Variants in DOCK2 observed in about 807,000 individuals in gnomAD.
The protein encoded by DOCK2 is dedicator of cytokinesis protein 2.
Under a neutral mutation model 248.9 loss-of-function variants are expected in DOCK2, and 87 were observed. The observed-to-expected ratio is 0.35, with a 90% CI of 0.29 to 0.42. The LOEUF is 0.42. DOCK2 is among the 10% of genes least tolerant of loss of function. DOCK2 has a pLI of 1.00. For synonymous variants in DOCK2, 805 were observed against 821.6 expected (o/e 0.98, Z 0.35); for missense variants, 1,747 against 2,300.2 (o/e 0.76, Z 4.92).
chr5:169,891,454 G>A (rs188054644), intron 27 of DOCK2, among the ~76,000 whole-genome samples: 7 of 152,304 alleles, frequency 4.6e-5, no homozygotes, highest in Admixed American at 3.9e-4. Flanking sequence ...ATCTTGGGTA[G>A]AATCTTATTT....
At chr5:169,836,429 G>A (rs1581261830) in intron 26 of DOCK2, among the ~76,000 whole-genome samples, 1 of 145,836 alleles carries the variant, frequency 6.9e-6, no homozygotes, top group Admixed American at 7.0e-5. Flanking sequence ...TTTTCTGCAA[G>A]TTAACTACTA....
intron 26 of DOCK2, among the ~76,000 whole-genome samples, chr5:169,825,564 G>A (rs192207647): frequency 7.0e-6 from 1 of 142,828 alleles, no homozygotes; most frequent in Non-Finnish European, 1.5e-5. Flanking sequence ...GGTGGGAATT[G>A]AACAATGAGA....
chr5:170,045,958 C>T, intron 39 of DOCK2, 53 bp downstream of exon 39: 3 of 1,544,868 alleles, frequency 1.9e-6, no homozygotes, highest in Non-Finnish European at 2.7e-6. Flanking sequence ...TGCTCAGGGC[C>T]TCAGCTCACC....
intron 27 of DOCK2, among the ~76,000 whole-genome samples, chr5:169,874,774 G>T (rs1448948279): frequency 6.6e-6 from 1 of 152,154 alleles, no homozygotes; most frequent in Non-Finnish European, 1.5e-5. Context: ...AGGCCTGAGG[G>T]ACTGAGAGAG....
intron 27 of DOCK2, among the ~76,000 whole-genome samples, chr5:169,854,958 A>G (rs1195816284): frequency 6.6e-6 from 1 of 152,202 alleles, no homozygotes; most frequent in East Asian, 1.9e-4. Flanking sequence ...GGATGACCAG[A>G]AAAAGTTATA....
chr5:169,877,056 G>C (rs1278693695), intron 27 of DOCK2, among the ~76,000 whole-genome samples: 1 of 152,200 alleles, frequency 6.6e-6, no homozygotes, highest in Admixed American at 6.5e-5. Flanking sequence ...GGAAGGATTG[G>C]ATTGTGAGGT....
At chr5:169,941,351 G>C (rs1776237901) in intron 27 of DOCK2, among the ~76,000 whole-genome samples, 1 of 152,150 alleles carries the variant, frequency 6.6e-6, no homozygotes, top group Non-Finnish European at 1.5e-5. Context: ...GGGATTACAG[G>C]CCTGTGCCCC....
intron 22 of DOCK2, among the ~76,000 whole-genome samples, chr5:169,720,161 G>A (rs1433451639): frequency 6.6e-6 from 1 of 152,204 alleles, no homozygotes. Flanking sequence ...TTGTCATTTA[G>A]TCAAGTCTGA....
chr5:169,853,574 C>G (rs983558410), intron 27 of DOCK2, among the ~76,000 whole-genome samples: 1 of 152,062 alleles, frequency 6.6e-6, no homozygotes, highest in Non-Finnish European at 1.5e-5. Flanking sequence ...AGGAATGAAG[C>G]AGCAACGACA....
At position 169,882,410 on chromosome 5, in the gene DOCK2, T is replaced by A. The variant is rs905407858; in HGVS notation, c.2799+41558T>A. On this transcript the variant is annotated intron_variant, in intron 27 of 51. Coordinates refer to ENST00000520908, the MANE Select transcript of DOCK2 (RefSeq NM_004946.3). ...GAAATTCCATTAGAGAAAAGGGAGG[T>A]CTGTGGTTATGATTTGGAGAAACAA... The A allele has an allele frequency of 9.2e-6, 6 of 653,672 alleles. No individual in the cohort carries two copies. The Admixed American group carries it at 1.8e-4, about 19-fold the overall frequency. 40.5% of individuals were successfully genotyped at this position (653,672 alleles called of 1,614,324 possible).
At chr5:169,668,634 A>C (rs1758862507) in intron 2 of DOCK2, among the ~76,000 whole-genome samples, 1 of 152,210 alleles carries the variant, frequency 6.6e-6, no homozygotes, top group Admixed American at 6.5e-5. Flanking sequence ...TGCTGCACTC[A>C]GGCGTATTTT....
rs187055794 is a variant in DOCK2 at position 169,751,040 on chromosome 5, G to T, written c.2376+3536G>T. 1.8e-4 allele frequency among the ~76,000 whole-genome samples: 27 copies of T among 152,318 alleles called. No homozygotes were observed. In the East Asian group the frequency reaches 4.2e-3, roughly 24 times the overall value. On this transcript the variant is annotated intron_variant, in intron 23 of 51. Transcript: ENST00000520908. ...CAGTTTATCCTCTGTAACATGGAAG[G>T]CCAAATGTGTAATTTAGGGGATTAT... is the stretch of plus-strand genomic sequence containing the variant.
In DOCK2 at chr5:170,008,709, A is replaced by C. The variant is rs2287727; in HGVS notation, c.3195A>C (p.Leu1065=). The change falls in exon 32 of 52, where the codon CTA becomes CTC. Residue 1065 remains leucine, a synonymous_variant. Transcript: ENST00000520908. ...ILNKYGDMRR[L]IGFSIRDMWY... is the part of the protein sequence containing the mutation. ...CTAGGTATGGGGACATGAGACGGCT[A>C]ATTGGCTTCTCCATCCGTGATATGT... 0.29 allele frequency: 464,239 copies of C among 1,613,724 alleles called. 69,781 individuals are homozygous for C. Among genetic ancestry groups the C allele is most frequent in the East Asian group, 0.37 (16,378 of 44,842 alleles).
intron 44 of DOCK2, among the ~76,000 whole-genome samples, chr5:170,063,490 T>C (rs994922350): frequency 6.6e-6 from 1 of 152,136 alleles, no homozygotes; most frequent in African/African-American, 2.4e-5. Context: ...GGCACACACT[T>C]CCAGTGGCTA....
intron 27 of DOCK2, among the ~76,000 whole-genome samples, chr5:169,899,075 C>T (rs1773777145): frequency 6.6e-6 from 1 of 152,078 alleles, no homozygotes; most frequent in South Asian, 2.1e-4. Flanking sequence ...TGCAAGATGG[C>T]AAGTAAAAGG....
At chr5:169,846,140 T>C (rs1247798394) in intron 27 of DOCK2, among the ~76,000 whole-genome samples, 2 of 152,220 alleles carry the variant, frequency 1.3e-5, no homozygotes, top group Admixed American at 6.5e-5. Flanking sequence ...TCAATATTTG[T>C]GGTAAACACC....
At chr5:169,935,880 A>G (rs1775970172) in intron 27 of DOCK2, among the ~76,000 whole-genome samples, 1 of 152,228 alleles carries the variant, frequency 6.6e-6, no homozygotes, top group African/African-American at 2.4e-5. Context: ...CATTTACTCC[A>G]CAGAGCAGGA....
At position 169,800,944 on chromosome 5, in the gene DOCK2, C is replaced by CTTTCTTT. The variant is rs1248380098; in HGVS notation, c.2555-2111_2555-2110insCTTTTTT. ...TTTTTCTTTTTTCTTTTCTTTCTTT[C>CTTTCTTT]TTTTTTTTTTTTTTTTTTTTTTTTT... On this transcript the variant is annotated intron_variant, in intron 25 of 51. Coordinates refer to ENST00000520908, the MANE Select transcript of DOCK2 (RefSeq NM_004946.3). Among the ~76,000 whole-genome samples the CTTTCTTT allele has an allele frequency of 7.8e-3, 417 of 53,186 alleles. 26 individuals carry two copies. The highest frequency in any genetic ancestry group is 0.023 in the African/African-American group (166 of 7,146). The allele number at this position is 53,186 out of a possible 152,430, so 34.9% of individuals were successfully genotyped here. A position where few individuals can be genotyped will look rare whatever the true frequency, so the allele number is the denominator to read the frequency against.
intron 14 of DOCK2, among the ~76,000 whole-genome samples, chr5:169,704,759 ATGTG>A (rs56289708): frequency 0.014 from 2,014 of 139,976 alleles, 15 homozygotes; most frequent in African/African-American, 0.029. Flanking sequence ...CTCCATATAT[ATGTG>A]TGTGTGTGTG....
Sources: allele counts gnomAD v4.1 joint callset (sites outside exome capture counted in the v4.1 genomes callset), GRCh38; gene constraint gnomAD v4.1.1; transcripts MANE v1.5; gene names NCBI Gene and HGNC (gene_info 2026-07-23, HGNC 2026-07-21).